The following EDIL3 variants were observed in gnomAD, a reference collection of about 807,000 sequenced individuals.
EDIL3 encodes EGF-like repeat and discoidin I-like domain-containing protein 3.
A neutral mutation model predicts 67.4 loss-of-function variants in EDIL3; 37 were observed. The observed-to-expected ratio is 0.55, with a 90% CI of 0.42 to 0.72. The LOEUF (loss-of-function observed/expected upper bound fraction) is 0.72. Ranked by LOEUF, EDIL3 falls within the 30% of genes least tolerant of loss-of-function variation. The pLI is 0.00. For missense variants in EDIL3, 527 were observed against 586.3 expected (o/e 0.90, Z 1.04); for synonymous variants, 195 against 196.3 (o/e 0.99, Z 0.05).
intron 1 of EDIL3, among the ~76,000 whole-genome samples, chr5:84,361,341 C>T (rs1410906886): frequency 6.6e-6 from 1 of 151,328 alleles, no homozygotes; most frequent in Non-Finnish European, 1.5e-5. Flanking sequence ...TCTTGCTATA[C>T]AATGTTTTCT....
At chr5:84,327,137 T>C (rs1389274816) in intron 1 of EDIL3, among the ~76,000 whole-genome samples, 1 of 152,010 alleles carries the variant, frequency 6.6e-6, no homozygotes, top group African/African-American at 2.4e-5. Context: ...TCATAAGATC[T>C]ACCCTGCTAG....
chr5:84,324,069 G>GA (rs1746700164), intron 1 of EDIL3, among the ~76,000 whole-genome samples: 1 of 151,668 alleles, frequency 6.6e-6, no homozygotes, highest in African/African-American at 2.4e-5. Flanking sequence ...AGATCTAACA[G>GA]ACATATACAG....
chr5:83,958,072 T>C (rs935824609), intron 10 of EDIL3, among the ~76,000 whole-genome samples: 2 of 151,644 alleles, frequency 1.3e-5, no homozygotes, highest in African/African-American at 4.8e-5. Flanking sequence ...TTTAGAAACA[T>C]TGATTCATAT....
chr5:84,000,114 T>C (rs775350405), intron 9 of EDIL3, among the ~76,000 whole-genome samples: 7 of 152,132 alleles, frequency 4.6e-5, no homozygotes, highest in Non-Finnish European at 1.0e-4. Context: ...TGAGGGATTT[T>C]ATCAATACCA....
intron 2 of EDIL3, among the ~76,000 whole-genome samples, chr5:84,238,331 T>A (rs1744719053): frequency 6.6e-6 from 1 of 151,934 alleles, no homozygotes; most frequent in South Asian, 2.1e-4. Flanking sequence ...AATGATGTGT[T>A]CCCAAAATAT....
intron 1 of EDIL3, among the ~76,000 whole-genome samples, chr5:84,366,292 A>G (rs1342155465): frequency 6.6e-6 from 1 of 152,118 alleles, no homozygotes; most frequent in Non-Finnish European, 1.5e-5. Context: ...GATCATCATC[A>G]TATCCATCAT....
chr5:84,342,292 G>A (rs1428232801), intron 1 of EDIL3, among the ~76,000 whole-genome samples: 3 of 152,070 alleles, frequency 2.0e-5, no homozygotes, highest in East Asian at 3.9e-4. Context: ...ACAAGTGGGA[G>A]TTAAATAATG....
At chr5:84,330,867 C>T (rs1279544798) in intron 1 of EDIL3, among the ~76,000 whole-genome samples, 2 of 152,172 alleles carry the variant, frequency 1.3e-5, no homozygotes, top group African/African-American at 4.8e-5. Flanking sequence ...GGTTGGCACT[C>T]CAGCCCTTAC....
At chr5:83,946,314 A>G (rs1744307899) in intron 10 of EDIL3, among the ~76,000 whole-genome samples, 1 of 151,934 alleles carries the variant, frequency 6.6e-6, no homozygotes, top group African/African-American at 2.4e-5. Flanking sequence ...GGCTGATCAC[A>G]AATTTGCTGA....
rs1561238734 is a variant in EDIL3 at position 84,262,677 on chromosome 5, T to TTTTTTTTTTTA, written c.68-8466_68-8465insTAAAAAAAAAA. Among the ~76,000 whole-genome samples the TTTTTTTTTTTA allele has an allele frequency of 1.3e-3, 162 of 121,838 alleles. 9 individuals are homozygous for TTTTTTTTTTTA. Among genetic ancestry groups the TTTTTTTTTTTA allele is most frequent in the Admixed American group, 0.012 (137 of 11,024 alleles). 79.9% of individuals were successfully genotyped at this position (121,838 alleles called of 152,430 possible). On this transcript the variant is annotated intron_variant, in intron 1 of 10. Coordinates refer to ENST00000296591, the MANE Select transcript of EDIL3 (RefSeq NM_005711.5). ...TTGGTTGGTTTTTTTTTTTTTTTTT[T>TTTTTTTTTTTA]TTTTTTTTTTTTGAGATGAAGTCTC...
intron 6 of EDIL3, among the ~76,000 whole-genome samples, chr5:84,080,115 C>CAAAAAAAAAAAAAAAAAAAAAAAAAA (rs10566347): frequency 1.9e-5 from 1 of 52,954 alleles, no homozygotes; most frequent in Non-Finnish European, 3.4e-5. Flanking sequence ...ACTAAAAATA[C>CAAAAAAAAAAAAAAAAAAAAAAAAAA]AAAAAAAAAA....
chr5:83,967,567 C>CT (rs955337213), intron 9 of EDIL3, among the ~76,000 whole-genome samples: 1 of 151,988 alleles, frequency 6.6e-6, no homozygotes, highest in Non-Finnish European at 1.5e-5. Context: ...GGAATATAAA[C>CT]TTTTTTGTTG....
intron 9 of EDIL3, among the ~76,000 whole-genome samples, chr5:84,012,187 G>A (rs1054518918): frequency 1.8e-4 from 28 of 152,286 alleles, no homozygotes; most frequent in African/African-American, 6.5e-4. Context: ...AAAAGAAGAC[G>A]TGATACAGAG....
intron 6 of EDIL3, among the ~76,000 whole-genome samples, chr5:84,090,203 T>C (rs370403202): frequency 4.6e-5 from 7 of 152,180 alleles, no homozygotes; most frequent in African/African-American, 1.4e-4. Context: ...ATGTCACTAG[T>C]AGAGGCAGGT....
In EDIL3 at chr5:83,942,831, T is replaced by C. The variant is rs1744248622; in HGVS notation, c.*588A>G. ...AGAATAGAACTAAAAGAAAAAGAAG[T>C]CACATAATCTCTTATTAGAAATAAT... On this transcript the variant is annotated 3_prime_UTR_variant, in exon 11 of 11. Transcript: ENST00000296591. 6.6e-6 allele frequency: 1 copy of C among 152,508 alleles called. No individual in the cohort carries two copies. Among genetic ancestry groups the C allele is most frequent in the South Asian group, 2.1e-4 (1 of 4,840 alleles). The allele number at this position is 152,508 out of a possible 1,614,324, so 9.4% of individuals were successfully genotyped here.
chr5:84,283,134 T>C (rs1745738184), intron 1 of EDIL3, among the ~76,000 whole-genome samples: 1 of 152,030 alleles, frequency 6.6e-6, no homozygotes, highest in Admixed American at 6.6e-5. Flanking sequence ...GGAGCAGATA[T>C]AGAGCATAAG....
chr5:84,231,934 T>C (rs1744588538), intron 2 of EDIL3, among the ~76,000 whole-genome samples: 1 of 152,188 alleles, frequency 6.6e-6, no homozygotes, highest in African/African-American at 2.4e-5. Flanking sequence ...TATGAACTCA[T>C]TTAATTCACA....
intron 10 of EDIL3, among the ~76,000 whole-genome samples, chr5:83,953,280 C>T (rs1439461121): frequency 3.3e-5 from 5 of 151,680 alleles, no homozygotes; most frequent in Non-Finnish European, 1.5e-5. Flanking sequence ...CCAAATCTGG[C>T]AACACTATAT....
chr5:84,238,906 G>A (rs1206029415), intron 2 of EDIL3, among the ~76,000 whole-genome samples: 1 of 151,896 alleles, frequency 6.6e-6, no homozygotes, highest in African/African-American at 2.4e-5. Flanking sequence ...TTCAGGGTGG[G>A]CCCACACCAC....
Sources: gnomAD v4.1 joint callset for allele counts (sites outside exome capture counted in the v4.1 genomes callset) on GRCh38, gnomAD v4.1.1 for gene constraint, MANE v1.5 for transcripts, NCBI Gene and HGNC (gene_info 2026-07-23, HGNC 2026-07-21) for gene names.